SPACDR: variants seen among roughly 807,000 people sequenced by gnomAD.
SPACDR encodes the protein uncharacterized protein C7orf61.
At chr7:100,462,970 G>A in the SPACDR span, among the ~76,000 whole-genome samples, 15 of 150,774 alleles carry the variant, frequency 9.9e-5, no homozygotes, top group East Asian at 1.6e-3. Flanking sequence ...TTAGCCAGGC[G>A]TGGGAGTCTG....
the SPACDR span, among the ~76,000 whole-genome samples, chr7:100,459,821 C>T: frequency 1.3e-5 from 2 of 152,090 alleles, no homozygotes; most frequent in African/African-American, 4.8e-5. Context: ...ACAGTTTAAC[C>T]ATTCACCCAC....
chr7:100,463,367 C>A, the SPACDR span: 1 of 1,588,830 alleles, frequency 6.3e-7, no homozygotes, highest in South Asian at 1.1e-5. Context: ...GCTGACCTTC[C>A]AGCTGCACAT....
chr7:100,463,324 G>A, the SPACDR span: 4 of 1,492,026 alleles, frequency 2.7e-6, no homozygotes, highest in Non-Finnish European at 3.6e-6. Flanking sequence ...GTCACTGGGG[G>A]CTGGGGAAAG....
the SPACDR span, among the ~76,000 whole-genome samples, chr7:100,461,208 C>T: frequency 6.6e-6 from 1 of 152,076 alleles, no homozygotes; most frequent in Non-Finnish European, 1.5e-5. Flanking sequence ...CTCAGCCTCC[C>T]AAGTATCTGG....
chr7:100,461,838 A>C, the SPACDR span, among the ~76,000 whole-genome samples: 1 of 151,818 alleles, frequency 6.6e-6, no homozygotes, highest in African/African-American at 2.4e-5. Flanking sequence ...AAATACAAAA[A>C]AAAATTTAGC....
At chr7:100,458,043 G>A in the SPACDR span, among the ~76,000 whole-genome samples, 1 of 151,298 alleles carries the variant, frequency 6.6e-6, no homozygotes. Context: ...ACCTGCAATT[G>A]GAAGAAATCA....
At chr7:100,459,451 A>T in the SPACDR span, among the ~76,000 whole-genome samples, 26 of 150,860 alleles carry the variant, frequency 1.7e-4, no homozygotes, top group Non-Finnish European at 2.5e-4. Context: ...CCATGCCCAG[A>T]TAATTTTTTT....
chr7:100,463,728 C>T, the SPACDR span: 4 of 1,540,064 alleles, frequency 2.6e-6, no homozygotes, highest in African/African-American at 2.7e-5. Flanking sequence ...GAGAGAGGGG[C>T]AGGGCAGAGA....
chr7:100,459,537 G>T, the SPACDR span, among the ~76,000 whole-genome samples: 1 of 152,080 alleles, frequency 6.6e-6, no homozygotes, highest in Non-Finnish European at 1.5e-5. Flanking sequence ...TGATATGCCT[G>T]CCTTGGCCTC....
the SPACDR span, chr7:100,464,249 A>C: frequency 7.0e-7 from 1 of 1,420,818 alleles, no homozygotes; most frequent in African/African-American, 1.4e-5. Context: ...CAGGGAGAGG[A>C]GTCGAAGTAG....
the SPACDR span, among the ~76,000 whole-genome samples, chr7:100,458,447 C>T: frequency 6.6e-6 from 1 of 152,138 alleles, no homozygotes; most frequent in Admixed American, 6.6e-5. Flanking sequence ...TGCATCATCA[C>T]AAGTGTCCCT....
At chr7:100,456,759 G>A in the SPACDR span, 3 of 1,607,270 alleles carry the variant, frequency 1.9e-6, no homozygotes, top group Non-Finnish European at 2.5e-6. Context: ...CCCCTAGAGG[G>A]GACTTTGGGC....
chr7:100,459,193 G>C, the SPACDR span, among the ~76,000 whole-genome samples: 1 of 148,950 alleles, frequency 6.7e-6, no homozygotes, highest in Non-Finnish European at 1.5e-5. Context: ...TTTTTTTTTA[G>C]TAGAGACGGG....
At chr7:100,462,031 G>A in the SPACDR span, among the ~76,000 whole-genome samples, 1 of 150,106 alleles carries the variant, frequency 6.7e-6, no homozygotes, top group African/African-American at 2.5e-5. Flanking sequence ...CTTAGGTTTG[G>A]ATAACATGCC....
the SPACDR span, among the ~76,000 whole-genome samples, chr7:100,457,476 G>A: frequency 1.1e-4 from 16 of 150,312 alleles, no homozygotes; most frequent in Admixed American, 6.0e-4. Context: ...TCGCTATCAC[G>A]CCCAGCTAAT....
At chr7:100,463,569 C>T in the SPACDR span, 25 of 1,613,866 alleles carry the variant, frequency 1.5e-5, no homozygotes, top group Admixed American at 3.3e-5. Flanking sequence ...TTTGGGAGCT[C>T]GACCAACCTC....
the SPACDR span, among the ~76,000 whole-genome samples, chr7:100,457,857 A>ATTTTTT: frequency 3.1e-4 from 27 of 88,308 alleles, no homozygotes; most frequent in African/African-American, 1.1e-3. Flanking sequence ...ATATATATAT[A>ATTTTTT]TTTTTTTTTT....
At chr7:100,462,008 C>CCTCACCTGA in the SPACDR span, among the ~76,000 whole-genome samples, 1 of 148,178 alleles carries the variant, frequency 6.7e-6, no homozygotes, top group East Asian at 2.0e-4. Flanking sequence ...AAAAAAAAGG[C>CCTCACCTGA]CTCACCTGAC....
the SPACDR span, among the ~76,000 whole-genome samples, chr7:100,457,803 ATGTGTGTGTGTG>A: frequency 5.5e-5 from 4 of 72,608 alleles, no homozygotes; most frequent in Admixed American, 5.3e-4. Flanking sequence ...ATATATATAT[ATGTGTGTGTGTG>A]TGTGTGTGTG....
Sources: allele counts gnomAD v4.1 joint callset (sites outside exome capture counted in the v4.1 genomes callset), GRCh38; gene constraint gnomAD v4.1.1; transcripts MANE v1.5; gene names NCBI Gene and HGNC (gene_info 2026-07-23, HGNC 2026-07-21).